The following POLQ variants were observed in gnomAD, a reference collection of about 807,000 sequenced individuals.
The protein encoded by POLQ is epididymis secretory sperm binding protein.
Under a neutral mutation model 259.2 loss-of-function variants are expected in POLQ, and 233 were observed. That is an observed-to-expected ratio of 0.90 (90% CI 0.81 to 1.00). The LOEUF (loss-of-function observed/expected upper bound fraction) is 1.00, where lower values mean the gene tolerates loss of function less well. Ranked by LOEUF, POLQ falls within the 50% of genes least tolerant of loss-of-function variation. The pLI, the probability that POLQ is intolerant of heterozygous loss-of-function variation, is 0.00. For synonymous variants in POLQ, 1,025 were observed against 1,048.8 expected, an observed-to-expected ratio of 0.98 and a Z score of 0.44; for missense variants, 2,871 against 3,051.6, an observed-to-expected ratio of 0.94 and a Z score of 1.39.
At chr3:121,518,069 T>G (rs2048312021) in intron 9 of POLQ, among the ~76,000 whole-genome samples, 1 of 152,200 alleles carries the variant, frequency 6.6e-6, no homozygotes. Context: ...AACAGATGAT[T>G]AGGTTCCTGC....
chr3:121,496,465 G>A (rs750018174), intron 14 of POLQ, among the ~76,000 whole-genome samples: 3 of 152,038 alleles, frequency 2.0e-5, no homozygotes, highest in Non-Finnish European at 2.9e-5. Flanking sequence ...ATGAGCCACC[G>A]CGCCCGGCAA....
rs765000105 is a variant in POLQ, at chr3:121,487,365, A to G, written c.5566T>C (p.Cys1856Arg). The G allele has an allele frequency of 6.2e-6, 10 of 1,613,754 alleles. No homozygotes were observed. In the Admixed American group the frequency reaches 1.7e-4, roughly 27 times the overall value. Residue 1856 changes from cysteine (C) to arginine (R), a missense_variant, in exon 16 of 30, where the codon TGT (cysteine) becomes CGT (arginine). This residue lies in a region of POLQ where 2,080 missense variants were observed against 2,126.0 expected (regional missense o/e 0.98). Transcript: ENST00000264233. ...CKKRFSISLA[C>R]EKIRSLTSSK... ...GATGTCAAACTTCTAATCTTTTCAC[A>G]AGCCAGTGAGATGGAAAATCGCTTT...
intron 6 of POLQ, among the ~76,000 whole-genome samples, chr3:121,531,349 C>T (rs2048410669): frequency 6.6e-6 from 1 of 152,094 alleles, no homozygotes; most frequent in Non-Finnish European, 1.5e-5. Context: ...GAGTAAACCA[C>T]ACTGATGGCC....
chr3:121,518,173 G>T (rs1366567448), intron 9 of POLQ, among the ~76,000 whole-genome samples: 1 of 152,148 alleles, frequency 6.6e-6, no homozygotes, highest in Non-Finnish European at 1.5e-5. Flanking sequence ...AATGTATATA[G>T]TTGTTTACAT....
chr3:121,432,215 T>C lies in POLQ; in HGVS notation c.*89A>G. 1 of 1,227,278 alleles carries C rather than the reference T, an allele frequency of 8.1e-7. No homozygotes were observed. 76.0% of individuals were successfully genotyped at this position (1,227,278 alleles called of 1,614,324 possible). A position where few individuals can be genotyped will look rare whatever the true frequency, so the allele number is the denominator to read the frequency against. On this transcript the variant is annotated 3_prime_UTR_variant, in exon 30 of 30. Coordinates refer to ENST00000264233, the MANE Select transcript of POLQ (RefSeq NM_199420.4). ...TCTATCAAGACTTGAAAGTTTGTTT[T>C]GCTGAGGTAGGTGAAAGGGTAATCT...
chr3:121,454,425 G>A (rs1197230129), intron 25 of POLQ, among the ~76,000 whole-genome samples: 1 of 152,158 alleles, frequency 6.6e-6, no homozygotes, highest in Non-Finnish European at 1.5e-5. Context: ...CCAATTAAAA[G>A]ACACAGACTG....
intron 18 of POLQ, among the ~76,000 whole-genome samples, chr3:121,482,888 C>T (rs2047981912): frequency 6.6e-6 from 1 of 152,150 alleles, no homozygotes; most frequent in Non-Finnish European, 1.5e-5. Flanking sequence ...GTCATCATTA[C>T]GAAGAGTGCA....
rs914517588 is a variant in POLQ at position 121,545,398 on chromosome 3, G to T, written c.163+317C>A. On this transcript the variant is annotated intron_variant, in intron 1 of 29. Transcript: ENST00000264233. ...TCCAGGCCCAACAATCCTGTCTTAA[G>T]GGTCTGTAAGGAGTACTGGGTACTA... 2.0e-5 allele frequency among the ~76,000 whole-genome samples: 3 copies of T among 152,298 alleles called. No individual in the cohort carries two copies. In the East Asian group the frequency reaches 5.8e-4, roughly 29 times the overall value.
chr3:121,490,775 C>A (rs942492549), intron 15 of POLQ, among the ~76,000 whole-genome samples: 2 of 152,136 alleles, frequency 1.3e-5, no homozygotes, highest in Non-Finnish European at 2.9e-5. Context: ...AACATCCGGC[C>A]GGGCGCGGTA....
rs766806569 is a variant in POLQ at position 121,522,088 on chromosome 3, C to T, written c.1170G>A (p.Val390=). The change falls in exon 8 of 30, where the codon GTG becomes GTA. Residue 390 remains valine, a synonymous_variant. Transcript: ENST00000264233. Reference sequence around the variant, plus strand: ...AAGGCAAACGTCTTAACTGATCCATCACTTCCAGGAGTTCTTTTTGTTCCA... The same window carrying T: ...AAGGCAAACGTCTTAACTGATCCATTACTTCCAGGAGTTCTTTTTGTTCCA... The part of the protein sequence containing the change: ...VILEQKELLE[V]MDQLRRLPSG... 2 of 1,611,048 alleles carry T rather than the reference C, an allele frequency of 1.2e-6. No homozygotes were observed. The highest frequency in any genetic ancestry group is 3.4e-5 in the Admixed American group (2 of 59,678).
Position 121,493,543 on chromosome 3 carries a change from T to A in POLQ, c.2457A>T (p.Ala819=). 1 of 1,613,974 alleles carries A rather than the reference T, an allele frequency of 6.2e-7. No individual in the cohort carries two copies. The highest frequency in any genetic ancestry group is 8.5e-7 in the Non-Finnish European group (1 of 1,179,820). Residue 819 remains alanine, a synonymous_variant, in exon 15 of 30, where the codon GCA becomes GCT. Coordinates refer to ENST00000264233, the MANE Select transcript of POLQ (RefSeq NM_199420.4). ...VLYASGFHTV[A]DLARANIVEV... ...CCACAATATTTGCTCTAGCAAGGTC[T>A]GCCACAGTATGAAAGCCAGAAGCAT...
At position 121,522,148 on chromosome 3, in the gene POLQ, T is replaced by G. The variant is rs1027956555; in HGVS notation, c.1110A>C (p.Gly370=). 11 of 1,592,092 alleles carry G rather than the reference T, an allele frequency of 6.9e-6. No homozygotes were observed. Among genetic ancestry groups the G allele is most frequent in the Non-Finnish European group, 7.7e-6 (9 of 1,173,978 alleles). Residue 370 remains glycine, a splice_region_variant and synonymous_variant, in exon 8 of 30, where the codon GGA becomes GGC. Transcript: ENST00000264233. ...EFYNLHHQAE[G]LVKPSECPPV... Reference sequence around the variant, plus strand: ...GTGGGCATTCAGAGGGTTTCACCAATCCTGTCACAAAAAAATTATCAACAC... The same window carrying G: ...GTGGGCATTCAGAGGGTTTCACCAAGCCTGTCACAAAAAAATTATCAACAC...
At chr3:121,484,951 A>G in intron 17 of POLQ, 90 bp downstream of exon 17, 1 of 1,018,006 alleles carries the variant, frequency 9.8e-7, no homozygotes. Context: ...CTAGGTAAAT[A>G]TCAGGAAATT....
intron 19 of POLQ, among the ~76,000 whole-genome samples, chr3:121,479,921 T>C (rs1479562545): frequency 1.3e-5 from 2 of 151,676 alleles, no homozygotes; most frequent in South Asian, 2.1e-4. Flanking sequence ...ACAAAAGTAA[T>C]AGGAAGAATC....
At chr3:121,455,870 C>T (rs1336872952) in intron 25 of POLQ, among the ~76,000 whole-genome samples, 4 of 152,156 alleles carry the variant, frequency 2.6e-5, no homozygotes, top group African/African-American at 9.7e-5. Context: ...GGAAATCCTC[C>T]CTAACTCATT....
At chr3:121,496,466 C>T (rs1237543768) in intron 14 of POLQ, among the ~76,000 whole-genome samples, 3 of 152,086 alleles carry the variant, frequency 2.0e-5, no homozygotes, top group South Asian at 2.1e-4. Context: ...TGAGCCACCG[C>T]GCCCGGCAAT....
In POLQ at chr3:121,487,650, T is replaced by C; in HGVS notation, c.5281A>G (p.Lys1761Glu). ...CCAGGTTGTAAAACATTATTAGTTT[T>C]CCAAGGGTTTACAGGTGTTTCAAGA... ...GILETPVNPW[K>E]TNNVLQPGES... The change falls in exon 16 of 30, where the codon AAA (lysine) becomes GAA (glutamate). Residue 1761 changes from lysine to glutamate, a missense_variant. This residue lies in a region of POLQ where 2,080 missense variants were observed against 2,126.0 expected (regional missense o/e 0.98). Transcript: ENST00000264233. 1 of 1,613,954 alleles carries C rather than the reference T, an allele frequency of 6.2e-7. No homozygotes were observed. Among genetic ancestry groups the C allele is most frequent in the Non-Finnish European group, 8.5e-7 (1 of 1,179,862 alleles).
intron 9 of POLQ, among the ~76,000 whole-genome samples, chr3:121,516,842 C>T (rs2048301280): frequency 1.3e-5 from 2 of 152,132 alleles, no homozygotes; most frequent in East Asian, 3.9e-4. Context: ...TCTTCATTAG[C>T]TTGAAGTTAT....
intron 10 of POLQ, among the ~76,000 whole-genome samples, 171 bp downstream of exon 10, chr3:121,511,716 T>G (rs2048256638): frequency 6.6e-6 from 1 of 152,148 alleles, no homozygotes; most frequent in Non-Finnish European, 1.5e-5. Flanking sequence ...AGGCGGAGGT[T>G]GCAGTGAGCT....
Sources: gnomAD v4.1 joint callset for allele counts (sites outside exome capture counted in the v4.1 genomes callset) on GRCh38, gnomAD v4.1.1 for gene constraint, gnomAD v4.1.1 regional missense constraint, MANE v1.5 for transcripts, NCBI Gene and HGNC (gene_info 2026-07-23, HGNC 2026-07-21) for gene names.